CERS3: variants seen among roughly 807,000 people sequenced by gnomAD.
The protein encoded by CERS3 is LAG1 homolog, ceramide synthase 3.
CERS3 carries 33 observed loss-of-function variants against 50.3 expected under a neutral mutation model. The observed-to-expected ratio is 0.66, with a 90% CI of 0.50 to 0.88. The LOEUF (loss-of-function observed/expected upper bound fraction) is 0.88. Ranked by LOEUF, CERS3 falls within the 40% of genes least tolerant of loss-of-function variation. CERS3 has a pLI of 0.00. For synonymous variants in CERS3, 176 were observed against 155.2 expected, an observed-to-expected ratio of 1.13 and a Z score of -0.99; for missense variants, 470 against 460.3, an observed-to-expected ratio of 1.02 and a Z score of -0.19.
At chr15:100,515,519 A>G (rs1203535023) in intron 2 of CERS3, among the ~76,000 whole-genome samples, 1 of 152,216 alleles carries the variant, frequency 6.6e-6, no homozygotes, top group Non-Finnish European at 1.5e-5. Flanking sequence ...AGGCCCACTC[A>G]GGACCCAGGG....
chr15:100,506,071 A>AAAACAAAC lies in CERS3; in HGVS notation c.-1-4229_-1-4222dup, dbSNP rs58306723. ...CATCGGGTCTGAGAGACCCTGTTTC[A>AAAACAAAC]AAACAAACAAACAAACAAACAATCA... On this transcript the variant is annotated intron_variant, in intron 2 of 11. Coordinates refer to ENST00000679737, the MANE Select transcript of CERS3 (RefSeq NM_001378789.1). 6.0e-3 allele frequency among the ~76,000 whole-genome samples: 858 copies of AAAACAAAC among 143,372 alleles called. 5 individuals carry two copies. The highest frequency in any genetic ancestry group is 0.017 in the African/African-American group (692 of 39,922). 94.1% of individuals were successfully genotyped at this position (143,372 alleles called of 152,430 possible).
intron 2 of CERS3, among the ~76,000 whole-genome samples, chr15:100,508,454 G>A (rs7173701): frequency 0.14 from 21,357 of 152,100 alleles, 2,016 homozygotes; most frequent in African/African-American, 0.26. Flanking sequence ...TGTAAGCATC[G>A]CAATACTTCA....
chr15:100,403,964 A>T (rs1275854384), intron 11 of CERS3, among the ~76,000 whole-genome samples: 2 of 152,230 alleles, frequency 1.3e-5, no homozygotes, highest in Non-Finnish European at 2.9e-5. Context: ...AGTATCCTAG[A>T]TTATGTAAGT....
rs1015009742 is a variant in CERS3, at chr15:100,469,447, G to A, written c.776C>T (p.Thr259Ile). The change falls in exon 10 of 12, where the codon ACC becomes ATC. Residue 259 changes from threonine (T) to isoleucine (I), a missense_variant. Transcript: ENST00000679737. The stretch of plus-strand genomic sequence containing the variant: ...GAAGATGAAAAACAGGGTGTTACAG[G>A]TCTGCGTCCATCCAGCATAAGAAAA... Reference protein sequence around the residue: ...KMFSYAGWTQTCNTLFFIFST... With the variant: ...KMFSYAGWTQICNTLFFIFST... The A allele has an allele frequency of 1.7e-5, 28 of 1,613,902 alleles. No individual in the cohort carries two copies. The highest frequency in any genetic ancestry group is 2.3e-5 in the Non-Finnish European group (27 of 1,179,924).
intron 11 of CERS3, among the ~76,000 whole-genome samples, chr15:100,430,050 C>T (rs1244619383): frequency 6.6e-6 from 1 of 151,908 alleles, no homozygotes; most frequent in East Asian, 1.9e-4. Flanking sequence ...CGGTGGCTCA[C>T]ACCTGTAATC....
intron 11 of CERS3, among the ~76,000 whole-genome samples, chr15:100,450,246 C>T (rs1304676896): frequency 6.6e-6 from 1 of 151,606 alleles, no homozygotes; most frequent in South Asian, 2.1e-4. Flanking sequence ...TGGTGAAACC[C>T]CTTCTTTACT....
At chr15:100,522,778 A>G (rs1340999064) in intron 1 of CERS3, among the ~76,000 whole-genome samples, 5 of 152,166 alleles carry the variant, frequency 3.3e-5, no homozygotes, top group Admixed American at 1.3e-4. Context: ...CCATTTATGA[A>G]CATTCTTGAA....
chr15:100,454,252 T>A (rs374621408), intron 11 of CERS3, among the ~76,000 whole-genome samples: 3 of 152,132 alleles, frequency 2.0e-5, no homozygotes, highest in East Asian at 3.9e-4. Flanking sequence ...TAGTGAAGTG[T>A]GGTGGCATGG....
Position 100,483,787 on chromosome 15 carries a change from A to ATTATTATTATTAT in CERS3, c.407+762_407+763insATAATAATAATAA, listed in dbSNP as rs760594142. On this transcript the variant is annotated intron_variant, in intron 5 of 11. Transcript: ENST00000679737. ...AATAATAATAATAATTATTATTATT[A>ATTATTATTATTAT]TTTTTTTTTTTGAGACAGAGTCTTG... is the stretch of plus-strand genomic sequence containing the variant. Among the ~76,000 whole-genome samples, 9 of 100,040 alleles carry ATTATTATTATTAT rather than the reference A, an allele frequency of 9.0e-5. 1 individual carries two copies. The highest frequency in any genetic ancestry group is 3.1e-4 in the African/African-American group (8 of 26,102). The allele number at this position is 100,040 out of a possible 152,430, so 65.6% of individuals were successfully genotyped here. A position where few individuals can be genotyped will look rare whatever the true frequency, so the allele number is the denominator to read the frequency against.
intron 6 of CERS3, 68 bp from the exon 7 acceptor site, chr15:100,479,546 T>C: frequency 8.0e-7 from 1 of 1,251,480 alleles, no homozygotes; most frequent in Non-Finnish European, 1.1e-6. Flanking sequence ...AGGTCAATTT[T>C]GGCAGAAAAC....
intron 4 of CERS3, among the ~76,000 whole-genome samples, chr15:100,490,339 C>T (rs2035614006): frequency 2.0e-5 from 3 of 152,098 alleles, no homozygotes; most frequent in Admixed American, 2.0e-4. Flanking sequence ...CAGCATATTT[C>T]TGAGTATGTT....
chr15:100,427,545 G>A (rs2032888416), intron 11 of CERS3, among the ~76,000 whole-genome samples: 1 of 152,200 alleles, frequency 6.6e-6, no homozygotes, highest in South Asian at 2.1e-4. Context: ...GCAAGGCAGA[G>A]CCTGAAGCTA....
At chr15:100,444,014 C>A (rs189651626) in intron 11 of CERS3, among the ~76,000 whole-genome samples, 1 of 152,290 alleles carries the variant, frequency 6.6e-6, no homozygotes, top group Admixed American at 6.5e-5. Flanking sequence ...TCATCCCAAC[C>A]CTTTTCATTA....
At chr15:100,446,745 C>G (rs1447491330) in intron 11 of CERS3, among the ~76,000 whole-genome samples, 1 of 151,932 alleles carries the variant, frequency 6.6e-6, no homozygotes, top group African/African-American at 2.4e-5. Flanking sequence ...AATTCTAAAC[C>G]CCCAACTGCC....
chr15:100,448,254 G>A (rs1402568827), intron 11 of CERS3, among the ~76,000 whole-genome samples: 4 of 152,122 alleles, frequency 2.6e-5, no homozygotes, highest in Admixed American at 6.5e-5. Flanking sequence ...ACCAAATAGC[G>A]AGTAGATAAT....
intron 11 of CERS3, among the ~76,000 whole-genome samples, chr15:100,446,975 T>C (rs1347402341): frequency 6.6e-6 from 1 of 152,202 alleles, no homozygotes; most frequent in African/African-American, 2.4e-5. Flanking sequence ...TAACATCACA[T>C]AATAGATAGC....
At chr15:100,536,256 G>A (rs899237490) in intron 1 of CERS3, among the ~76,000 whole-genome samples, 3 of 152,102 alleles carry the variant, frequency 2.0e-5, no homozygotes, top group Admixed American at 6.6e-5. Context: ...CATATCCCAC[G>A]TCCATGAAGT....
At chr15:100,426,373 A>T (rs1157519181) in intron 11 of CERS3, among the ~76,000 whole-genome samples, 1 of 152,226 alleles carries the variant, frequency 6.6e-6, no homozygotes, top group Non-Finnish European at 1.5e-5. Context: ...ATATCAGCTC[A>T]TATCACTTAC....
rs140989584 is a variant in CERS3 at position 100,460,977 on chromosome 15, C to A, written c.846-4931G>T. Reference sequence around the variant, plus strand: ...AAAATTCGAGGAGCTAAAAGAAGACCAGTGTGGCTTAAAGGAGAGGAGTGG... The same window carrying A: ...AAAATTCGAGGAGCTAAAAGAAGACAAGTGTGGCTTAAAGGAGAGGAGTGG... On this transcript the variant is annotated intron_variant, in intron 10 of 11. Coordinates refer to ENST00000679737, the MANE Select transcript of CERS3 (RefSeq NM_001378789.1). 7.2e-5 allele frequency among the ~76,000 whole-genome samples: 11 copies of A among 152,166 alleles called. No homozygotes were observed. The South Asian group carries it at 2.3e-3, about 32-fold the overall frequency.
Sources: gnomAD v4.1 joint callset for allele counts (sites outside exome capture counted in the v4.1 genomes callset) on GRCh38, gnomAD v4.1.1 for gene constraint, MANE v1.5 for transcripts, NCBI Gene and HGNC (gene_info 2026-07-23, HGNC 2026-07-21) for gene names.